WSCD1: variants seen among roughly 807,000 people sequenced by gnomAD.
WSCD1 encodes the protein WSC domain sialate O sulfotransferase 1.
WSCD1 carries 41 observed loss-of-function variants against 60.4 expected under a neutral mutation model. The observed-to-expected ratio is 0.68, with a 90% CI of 0.53 to 0.88. WSCD1 has a LOEUF of 0.88. Among genes scored for constraint, WSCD1 ranks in the 40% least tolerant of loss-of-function variants. The pLI is 0.00. For missense variants in WSCD1, 784 were observed against 796.2 expected (o/e 0.98, Z 0.18); for synonymous variants, 361 against 332.5 (o/e 1.09, Z -0.93).
chr17:6,100,874 C>A (rs917675679), intron 5 of WSCD1, among the ~76,000 whole-genome samples: 1 of 152,166 alleles, frequency 6.6e-6, no homozygotes, highest in Non-Finnish European at 1.5e-5. Flanking sequence ...CCCATATCCC[C>A]GTGGGGCTGA....
Position 6,070,619 on chromosome 17 carries a change from G to T in WSCD1, c.-322G>T, listed in dbSNP as rs1908473981. 1 of 150,010 alleles carries T rather than the reference G, an allele frequency of 6.7e-6. No individual in the cohort carries two copies. Among genetic ancestry groups the T allele is most frequent in the Admixed American group, 6.6e-5 (1 of 15,096 alleles). 9.3% of individuals were successfully genotyped at this position (150,010 alleles called of 1,614,324 possible). ...CCCGGGGAAGGCGGGCCATGGGCGC[G>T]GGTGCGGGCGCCCCAGCCGGCCGCG... On this transcript the variant is annotated 5_prime_UTR_variant, in exon 1 of 9. Transcript: ENST00000317744.
chr17:6,116,833 AT>A (rs1238523289), intron 7 of WSCD1, among the ~76,000 whole-genome samples: 2 of 152,206 alleles, frequency 1.3e-5, no homozygotes, highest in African/African-American at 4.8e-5. Flanking sequence ...GGTAGGACTC[AT>A]TTTGTTTCCA....
intron 5 of WSCD1, among the ~76,000 whole-genome samples, chr17:6,107,315 A>G (rs147065376): frequency 1.0e-3 from 158 of 152,196 alleles, no homozygotes; most frequent in African/African-American, 3.7e-3. Context: ...AGACTGGCCA[A>G]CGTGGTGAAA....
At chr17:6,096,818 G>A (rs890777357) in intron 5 of WSCD1, among the ~76,000 whole-genome samples, 6 of 152,198 alleles carry the variant, frequency 3.9e-5, no homozygotes, top group Non-Finnish European at 7.4e-5. Flanking sequence ...CCCTTGAGAG[G>A]CCCTCTGGTT....
At chr17:6,070,235 G>A (rs1335562378), upstream of WSCD1, among the ~76,000 whole-genome samples, 1 of 74 alleles carries the variant, frequency 0.014, no homozygotes, top group Non-Finnish European at 0.033. Context: ...CGCCCCGCGC[G>A]CGTGTTCTCG....
chr17:6,110,773 A>T lies in WSCD1; in HGVS notation c.1012A>T (p.Thr338Ser), dbSNP rs1911362995. 1.9e-5 allele frequency: 31 copies of T among 1,607,896 alleles called. No homozygotes were observed. The highest frequency in any genetic ancestry group is 2.6e-5 in the Non-Finnish European group (30 of 1,175,354). Residue 338 changes from threonine to serine, a missense_variant and splice_region_variant, in exon 7 of 9, where the codon ACT becomes TCT. Transcript: ENST00000317744. This position sits in a 1 kb window ranked among gnomAD's most constrained non-coding sequence, Gnocchi z 4.8. The stretch of plus-strand genomic sequence containing the variant: ...CGTGATGACTTTTGGACTTTCAGAC[A>T]CTCGTTGTACAGACAGGAGGTTCCT... ...CEVYQTPVQD[T>S]RCTDRRFLPN...
chr17:6,117,786 C>T (rs566012518), intron 7 of WSCD1, among the ~76,000 whole-genome samples: 2 of 152,304 alleles, frequency 1.3e-5, no homozygotes, highest in South Asian at 4.1e-4. Flanking sequence ...TAGATAACTC[C>T]TGCTGTCACT....
At chr17:6,119,716 A>G (rs936859848) in intron 8 of WSCD1, among the ~76,000 whole-genome samples, 1 of 152,146 alleles carries the variant, frequency 6.6e-6, no homozygotes, top group Non-Finnish European at 1.5e-5. Context: ...GTTTTCTCAC[A>G]TTAAAAACAA....
chr17:6,088,190 G>A (rs1909786032), intron 3 of WSCD1, 86 bp downstream of exon 3: 1 of 1,175,152 alleles, frequency 8.5e-7, no homozygotes, highest in East Asian at 2.4e-5. Context: ...TCAGCTACCA[G>A]TTGGCTGTCA....
intron 5 of WSCD1, among the ~76,000 whole-genome samples, chr17:6,107,585 T>A (rs1241528125): frequency 6.6e-6 from 1 of 151,914 alleles, no homozygotes; most frequent in Non-Finnish European, 1.5e-5. Context: ...ACATATGAAT[T>A]TGGGGGACAC....
rs377000777 is a variant in WSCD1 at position 6,107,703 on chromosome 17, G to A, written c.850-1904G>A. Among the ~76,000 whole-genome samples, 37 of 152,244 alleles carry A rather than the reference G, an allele frequency of 2.4e-4. No individual in the cohort carries two copies. In the East Asian group the frequency reaches 3.5e-3, roughly 14 times the overall value. ...TGTTTCTGCTGCTCCCTGTGATGAAGGTGTTGGTGTGGAATGAGGTGGGAT... is the reference window on the plus strand; with the variant it reads ...TGTTTCTGCTGCTCCCTGTGATGAAAGTGTTGGTGTGGAATGAGGTGGGAT... On this transcript the variant is annotated intron_variant, in intron 5 of 8. Coordinates refer to ENST00000317744, the MANE Select transcript of WSCD1 (RefSeq NM_015253.2).
intron 7 of WSCD1, among the ~76,000 whole-genome samples, chr17:6,111,494 A>G (rs1279862939): frequency 2.6e-5 from 4 of 152,176 alleles, no homozygotes; most frequent in Non-Finnish European, 5.9e-5. Flanking sequence ...TGAGGTCAGG[A>G]GTTTGAGACC....
At chr17:6,087,951 C>G (rs749061883) in intron 2 of WSCD1, 39 bp from the exon 3 acceptor site, 1 of 1,542,766 alleles carries the variant, frequency 6.5e-7, no homozygotes, top group East Asian at 2.3e-5. Context: ...GCCCATGATT[C>G]CTGGGCCTCT....
intron 5 of WSCD1, among the ~76,000 whole-genome samples, chr17:6,107,732 G>A (rs1047425348): frequency 2.0e-5 from 3 of 151,714 alleles, no homozygotes; most frequent in Admixed American, 2.0e-4. Context: ...GTGGGATGAG[G>A]GTTTTGTGAT....
chr17:6,089,154 T>C (rs7406782), intron 3 of WSCD1, among the ~76,000 whole-genome samples: 117,510 of 152,160 alleles, frequency 0.77, 45,588 homozygotes, highest in East Asian at 0.88. Context: ...ATTTTACAGA[T>C]GGAGAAACTG....
chr17:6,069,621 G>C (rs551390369), upstream of WSCD1, among the ~76,000 whole-genome samples: 1 of 152,162 alleles, frequency 6.6e-6, no homozygotes, highest in African/African-American at 2.4e-5. Flanking sequence ...AGACGCGGGA[G>C]CTGGTGTCAG....
chr17:6,109,536 A>G, intron 5 of WSCD1, 71 bp from the exon 6 acceptor site: 2 of 1,567,152 alleles, frequency 1.3e-6, no homozygotes, highest in South Asian at 1.2e-5. Context: ...TGTTCATCCC[A>G]TTCCTGAGCC....
rs1450565447 is a variant in WSCD1, at chr17:6,123,204, G to A, written c.*2543G>A. 1 of 152,178 alleles carries A rather than the reference G, an allele frequency of 6.6e-6. No individual in the cohort carries two copies. Among genetic ancestry groups the A allele is most frequent in the African/African-American group, 2.4e-5 (1 of 41,452 alleles). The allele number at this position is 152,178 out of a possible 1,614,324, so 9.4% of individuals were successfully genotyped here. A position where few individuals can be genotyped will look rare whatever the true frequency, so the allele number is the denominator to read the frequency against. On this transcript the variant is annotated 3_prime_UTR_variant, in exon 9 of 9. Coordinates refer to ENST00000317744, the MANE Select transcript of WSCD1 (RefSeq NM_015253.2). ...AAGTGTGGCAAATGCATCAGGAACC[G>A]GTTAGAACAGAACAGAGAAACCCTG...
At chr17:6,091,182 C>T (rs904712510) in intron 4 of WSCD1, among the ~76,000 whole-genome samples, 16 of 152,178 alleles carry the variant, frequency 1.1e-4, no homozygotes, top group South Asian at 6.2e-4. Context: ...GCGTGAGCCA[C>T]GCACCCATCC....
Sources: gnomAD v4.1 joint callset for allele counts (sites outside exome capture counted in the v4.1 genomes callset) on GRCh38, gnomAD v4.1.1 for gene constraint, Gnocchi (gnomAD v3.1) non-coding constraint, MANE v1.5 for transcripts, NCBI Gene and HGNC (gene_info 2026-07-23, HGNC 2026-07-21) for gene names.